ETNK1: variants seen among roughly 807,000 people sequenced by gnomAD.
ETNK1 encodes the protein ethanolamine kinase 1.
A neutral mutation model predicts 45.1 loss-of-function variants in ETNK1; 8 were observed. The observed-to-expected ratio is 0.18, with a 90% confidence interval of 0.10 to 0.32. ETNK1 has a LOEUF of 0.32. Among genes scored for constraint, ETNK1 ranks in the 10% least tolerant of loss-of-function variants. ETNK1 has a pLI of 1.00. For missense variants in ETNK1, 302 were observed against 430.6 expected (o/e 0.70, Z 2.64); for synonymous variants, 152 against 151.9 (o/e 1.00, Z -0.01).
chr12:22,656,411 A>G, intron 2 of ETNK1: 1 of 985,396 alleles, frequency 1.0e-6, no homozygotes, highest in Non-Finnish European at 1.2e-6. Context: ...GATCTCAGTA[A>G]ACTTACACTG....
At chr12:22,669,390 T>C (rs1203205985) in intron 4 of ETNK1, among the ~76,000 whole-genome samples, 1 of 151,986 alleles carries the variant, frequency 6.6e-6, no homozygotes, top group Non-Finnish European at 1.5e-5. Context: ...TTTTGGTTTA[T>C]TTCCATTCAT....
At chr12:22,677,283 T>A (rs1369565752) in intron 6 of ETNK1, among the ~76,000 whole-genome samples, 1 of 152,228 alleles carries the variant, frequency 6.6e-6, no homozygotes, top group Non-Finnish European at 1.5e-5. Flanking sequence ...TCCCCATTGC[T>A]TGTTTTTCTC....
chr12:22,672,665 G>A (rs1478137213), intron 5 of ETNK1, among the ~76,000 whole-genome samples: 1 of 152,164 alleles, frequency 6.6e-6, no homozygotes, highest in Non-Finnish European at 1.5e-5. Context: ...TGTGAGTTAG[G>A]TAGAATTTGG....
intron 3 of ETNK1, among the ~76,000 whole-genome samples, chr12:22,660,213 G>T (rs949886606): frequency 3.9e-5 from 6 of 152,048 alleles, no homozygotes; most frequent in Non-Finnish European, 8.8e-5. Flanking sequence ...GTATTATACT[G>T]TTAATGGAGA....
intron 1 of ETNK1, among the ~76,000 whole-genome samples, chr12:22,642,835 G>T (rs1953756499): frequency 6.6e-6 from 1 of 151,880 alleles, no homozygotes; most frequent in Non-Finnish European, 1.5e-5. Flanking sequence ...AATTATAATA[G>T]AAGTGAAGTG....
chr12:22,680,890 T>TCCCCCCCCCCCC (rs139159553), intron 6 of ETNK1, among the ~76,000 whole-genome samples: 3 of 53,202 alleles, frequency 5.6e-5, no homozygotes, highest in South Asian at 1.1e-3. Context: ...GAGCTTTTCT[T>TCCCCCCCCCCCC]CCCCCGCCCC....
intron 3 of ETNK1, among the ~76,000 whole-genome samples, chr12:22,659,406 C>T (rs1328258657): frequency 6.6e-6 from 1 of 152,076 alleles, no homozygotes; most frequent in Non-Finnish European, 1.5e-5. Context: ...GGGAACACCA[C>T]TTAAAAATAA....
rs752517022 is a variant in ETNK1, at chr12:22,684,559, A to G, written c.1019+3A>G. ...ACTATTGAGTTTGATTTCCTTGGGTAAGTTAAATTTTATTATATGATTACA... is the reference window on the plus strand; with the variant it reads ...ACTATTGAGTTTGATTTCCTTGGGTGAGTTAAATTTTATTATATGATTACA... On this transcript the variant is annotated splice_donor_region_variant and intron_variant, in intron 7 of 7. Transcript: ENST00000266517. The G allele has an allele frequency of 6.3e-7, 1 of 1,588,340 alleles. No individual in the cohort carries two copies. The highest frequency in any genetic ancestry group is 8.6e-7 in the Non-Finnish European group (1 of 1,159,432).
chr12:22,628,996 C>T (rs1592108574), intron 1 of ETNK1, among the ~76,000 whole-genome samples: 2 of 152,140 alleles, frequency 1.3e-5, no homozygotes, highest in African/African-American at 4.8e-5. Context: ...ACTTTACTAG[C>T]TTTGTTACTC....
intron 1 of ETNK1, chr12:22,625,795 G>A (rs1463494342): frequency 1.3e-6 from 1 of 778,808 alleles, no homozygotes. Flanking sequence ...TTGACCTGAG[G>A]CACATTTTCT....
intron 5 of ETNK1, among the ~76,000 whole-genome samples, chr12:22,672,847 G>A (rs965335554): frequency 1.1e-4 from 17 of 152,298 alleles, no homozygotes; most frequent in African/African-American, 3.9e-4. Context: ...TGTCTTCTAG[G>A]TTAGTATTTT....
intron 4 of ETNK1, among the ~76,000 whole-genome samples, chr12:22,666,051 C>A (rs765489866): frequency 6.6e-6 from 1 of 152,050 alleles, no homozygotes. Flanking sequence ...TTTTTACATG[C>A]GAATGTTATT....
At chr12:22,654,160 T>A (rs1220234797) in intron 2 of ETNK1, among the ~76,000 whole-genome samples, 2 of 152,216 alleles carry the variant, frequency 1.3e-5, no homozygotes, top group Admixed American at 6.5e-5. Flanking sequence ...AGCAAGAAGG[T>A]GCCATCTGTA....
intron 6 of ETNK1, among the ~76,000 whole-genome samples, 166 bp from the exon 7 acceptor site, chr12:22,684,317 T>C (rs1433190294): frequency 1.3e-5 from 2 of 152,060 alleles, no homozygotes; most frequent in Non-Finnish European, 2.9e-5. Context: ...AGCCATCTAG[T>C]GGGTGCAGAC....
intron 1 of ETNK1, among the ~76,000 whole-genome samples, chr12:22,630,558 C>T (rs1361114335): frequency 2.0e-5 from 3 of 152,172 alleles, no homozygotes; most frequent in Non-Finnish European, 4.4e-5. Flanking sequence ...GCTTACTCAT[C>T]ATTTAGGACA....
intron 1 of ETNK1, among the ~76,000 whole-genome samples, chr12:22,628,026 ATAAAT>A (rs1953528185): frequency 6.6e-6 from 1 of 152,154 alleles, no homozygotes; most frequent in Non-Finnish European, 1.5e-5. Context: ...GATTAAAAGA[ATAAAT>A]TATAAAGGAG....
intron 6 of ETNK1, among the ~76,000 whole-genome samples, chr12:22,679,444 C>T (rs956364539): frequency 3.3e-4 from 50 of 151,984 alleles, no homozygotes; most frequent in Admixed American, 2.9e-3. Flanking sequence ...TGATACCAGC[C>T]GACATTGAGG....
chr12:22,633,465 A>G (rs1351158956), intron 1 of ETNK1, among the ~76,000 whole-genome samples: 4 of 152,194 alleles, frequency 2.6e-5, no homozygotes, highest in African/African-American at 9.7e-5. Context: ...TATTTGATGT[A>G]GTTATTATAG....
chr12:22,684,027 A>G (rs16925289), intron 6 of ETNK1, among the ~76,000 whole-genome samples: 7,100 of 152,162 alleles, frequency 0.047, 546 homozygotes, highest in African/African-American at 0.16. Context: ...TCATTTTCAG[A>G]TGTTTGTCAC....
Sources: gnomAD v4.1 joint callset for allele counts (sites outside exome capture counted in the v4.1 genomes callset) on GRCh38, gnomAD v4.1.1 for gene constraint, MANE v1.5 for transcripts, NCBI Gene and HGNC (gene_info 2026-07-23, HGNC 2026-07-21) for gene names.